The following PDSS2 variants were observed in gnomAD, a reference collection of about 807,000 sequenced individuals.
PDSS2 encodes the protein decaprenyl diphosphate synthase subunit 2, also known as all trans-polyprenyl-diphosphate synthase PDSS2.
A neutral mutation model predicts 44.5 loss-of-function variants in PDSS2; 31 were observed. The observed-to-expected ratio is 0.70, with a 90% CI of 0.52 to 0.94. The LOEUF is 0.94. Ranked by LOEUF, PDSS2 falls within the 40% of genes least tolerant of loss-of-function variation. PDSS2 has a pLI of 0.00. For synonymous variants in PDSS2, 157 were observed against 180.3 expected, an observed-to-expected ratio of 0.87 and a Z score of 1.03; for missense variants, 452 against 482.2, an observed-to-expected ratio of 0.94 and a Z score of 0.59.
chr6:107,183,504 C>T (rs1208418817), intron 7 of PDSS2, among the ~76,000 whole-genome samples: 1 of 152,054 alleles, frequency 6.6e-6, no homozygotes, highest in Non-Finnish European at 1.5e-5. Context: ...TCGAGACCAG[C>T]CTAGCCAAAA....
chr6:107,335,830 C>T (rs1417052082), intron 1 of PDSS2, among the ~76,000 whole-genome samples: 2 of 151,938 alleles, frequency 1.3e-5, no homozygotes, highest in South Asian at 2.1e-4. Context: ...ATATAGCTCT[C>T]GAATGCAGTA....
chr6:107,308,129 G>A (rs751322665), intron 2 of PDSS2, among the ~76,000 whole-genome samples: 3 of 152,004 alleles, frequency 2.0e-5, no homozygotes, highest in Admixed American at 6.5e-5. Flanking sequence ...ACATATAAGC[G>A]CCATTACAAC....
chr6:107,370,252 C>T (rs756944253), intron 1 of PDSS2, among the ~76,000 whole-genome samples: 1 of 152,144 alleles, frequency 6.6e-6, no homozygotes, highest in South Asian at 2.1e-4. Context: ...AGTTTTAGCA[C>T]AAACTACTCG....
chr6:107,230,777 T>C (rs1473367659), intron 4 of PDSS2, among the ~76,000 whole-genome samples: 1 of 152,074 alleles, frequency 6.6e-6, no homozygotes, highest in Non-Finnish European at 1.5e-5. Flanking sequence ...CCCCTGCCCA[T>C]AATGGGAGGA....
intron 1 of PDSS2, among the ~76,000 whole-genome samples, chr6:107,339,362 G>A (rs1169327982): frequency 6.6e-6 from 1 of 152,176 alleles, no homozygotes; most frequent in Non-Finnish European, 1.5e-5. Context: ...TATCATTAAA[G>A]TTCTACAGAA....
intron 2 of PDSS2, among the ~76,000 whole-genome samples, chr6:107,292,267 A>G (rs73511128): frequency 0.02 from 3,063 of 152,080 alleles, 109 homozygotes; most frequent in African/African-American, 0.071. Context: ...TCCCATATTC[A>G]GTGCTGTAAT....
chr6:107,177,929 G>T (rs1582742443), intron 7 of PDSS2, among the ~76,000 whole-genome samples: 2 of 152,242 alleles, frequency 1.3e-5, no homozygotes, highest in South Asian at 4.1e-4. Flanking sequence ...AATAGTCCTG[G>T]GGGTATTTGA....
intron 6 of PDSS2, among the ~76,000 whole-genome samples, chr6:107,206,996 G>GTTTT (rs200710467): frequency 2.1e-5 from 3 of 142,390 alleles, no homozygotes; most frequent in African/African-American, 7.8e-5. Context: ...TGCTATTATT[G>GTTTT]TTTTTTTTTT....
At chr6:107,184,911 A>T (rs1353675885) in intron 7 of PDSS2, among the ~76,000 whole-genome samples, 1 of 152,060 alleles carries the variant, frequency 6.6e-6, no homozygotes, top group Non-Finnish European at 1.5e-5. Context: ...GAGGACATTT[A>T]AAAAACCAGC....
intron 2 of PDSS2, among the ~76,000 whole-genome samples, chr6:107,319,711 C>A (rs1777323096): frequency 2.6e-5 from 4 of 152,152 alleles, no homozygotes; most frequent in South Asian, 4.1e-4. Flanking sequence ...GCATAAAGTA[C>A]CTTTGAAAAT....
chr6:107,459,202 G>T lies in PDSS2; in HGVS notation c.84C>A (p.Ser28=). ...GSPRRLWWSP[S]LDTISSVGSW... is the part of the protein sequence containing the mutation. Reference sequence around the variant, plus strand: ...AGCCCACCGAGGAGATGGTGTCGAGGGACGGGGACCACCACAGGCGACGCG... The same window carrying T: ...AGCCCACCGAGGAGATGGTGTCGAGTGACGGGGACCACCACAGGCGACGCG... Residue 28 remains serine, a synonymous_variant, in exon 1 of 8, where the codon TCC becomes TCA. Coordinates refer to ENST00000369037, the MANE Select transcript of PDSS2 (RefSeq NM_020381.4). The surrounding 1 kb of genome is among the most constrained non-coding windows in gnomAD (Gnocchi z 4.3). The T allele has an allele frequency of 6.2e-7, 1 of 1,614,118 alleles. No individual in the cohort carries two copies. Among genetic ancestry groups the T allele is most frequent in the Middle Eastern group, 1.7e-4 (1 of 6,060 alleles).
intron 1 of PDSS2, among the ~76,000 whole-genome samples, chr6:107,443,240 C>A (rs1781563199): frequency 6.6e-6 from 1 of 152,344 alleles, no homozygotes; most frequent in African/African-American, 2.4e-5. Flanking sequence ...ACCACCACAG[C>A]CGCCAAAGTC....
At chr6:107,411,879 CTTTTTTTTTT>C (rs145161415) in intron 1 of PDSS2, among the ~76,000 whole-genome samples, 1 of 93,882 alleles carries the variant, frequency 1.1e-5, no homozygotes, top group South Asian at 3.8e-4. Flanking sequence ...TCTTCTTCTT[CTTTTTTTTTT>C]TTTTTTTTTT....
At chr6:107,161,570 A>G (rs938299451) in intron 7 of PDSS2, among the ~76,000 whole-genome samples, 2 of 152,118 alleles carry the variant, frequency 1.3e-5, no homozygotes, top group African/African-American at 4.8e-5. Flanking sequence ...AACTTGAACC[A>G]TGGCCCTAGG....
At chr6:107,292,599 G>A (rs1776382834) in intron 2 of PDSS2, among the ~76,000 whole-genome samples, 1 of 152,168 alleles carries the variant, frequency 6.6e-6, no homozygotes, top group African/African-American at 2.4e-5. Flanking sequence ...ATAAAGCTCT[G>A]CTTAGTGATC....
chr6:107,419,481 T>C (rs1231282434), intron 1 of PDSS2, among the ~76,000 whole-genome samples: 1 of 152,198 alleles, frequency 6.6e-6, no homozygotes, highest in Non-Finnish European at 1.5e-5. Context: ...TACACAAGAA[T>C]TGTGTTTCCT....
At chr6:107,280,677 T>G (rs9486576) in intron 2 of PDSS2, among the ~76,000 whole-genome samples, 1 of 151,990 alleles carries the variant, frequency 6.6e-6, no homozygotes, top group Non-Finnish European at 1.5e-5. Context: ...ACAGAGACCC[T>G]GTCTCAACAA....
At chr6:107,450,810 G>T (rs1472638627) in intron 1 of PDSS2, among the ~76,000 whole-genome samples, 1 of 152,162 alleles carries the variant, frequency 6.6e-6, no homozygotes, top group Non-Finnish European at 1.5e-5. Context: ...TACATGGTAA[G>T]TGTATGTTTA....
intron 1 of PDSS2, among the ~76,000 whole-genome samples, chr6:107,403,289 C>T (rs186052394): frequency 1.2e-4 from 19 of 152,332 alleles, no homozygotes; most frequent in East Asian, 1.2e-3. Context: ...ATCCAGGTCA[C>T]GCTGATATAA....
Sources: gnomAD v4.1 joint callset for allele counts (sites outside exome capture counted in the v4.1 genomes callset) on GRCh38, gnomAD v4.1.1 for gene constraint, Gnocchi (gnomAD v3.1) non-coding constraint, MANE v1.5 for transcripts, NCBI Gene and HGNC (gene_info 2026-07-23, HGNC 2026-07-21) for gene names.